CMIP: variants seen among roughly 807,000 people sequenced by gnomAD.
The protein encoded by CMIP is C-Maf-inducing protein.
In CMIP, 13 loss-of-function variants were observed where a neutral mutation model predicts 97.3. The ratio of observed to expected loss-of-function variants is 0.13; its 90% CI spans 0.09 to 0.21. The LOEUF (loss-of-function observed/expected upper bound fraction) is 0.21. Ranked by LOEUF, CMIP falls within the 10% of genes least tolerant of loss-of-function variation. The pLI is 1.00. For synonymous variants in CMIP, 538 were observed against 436.3 expected, an observed-to-expected ratio of 1.23 and a Z score of -2.91; for missense variants, 847 against 1,024.9, an observed-to-expected ratio of 0.83 and a Z score of 2.37.
chr16:81,696,512 C>T, intron 13 of CMIP, 48 bp from the exon 14 acceptor site: 2 of 1,556,672 alleles, frequency 1.3e-6, no homozygotes, highest in Non-Finnish European at 1.7e-6. Context: ...TCGCCCTTGT[C>T]ACCGGGGCTG....
In CMIP at chr16:81,616,343, C is replaced by T. The variant is rs932666508; in HGVS notation, c.427-4533C>T. 4.6e-5 allele frequency among the ~76,000 whole-genome samples: 7 copies of T among 151,920 alleles called. No individual in the cohort carries two copies. Among genetic ancestry groups the T allele is most frequent in the Non-Finnish European group, 8.8e-5 (6 of 67,974 alleles). Reference sequence around the variant, plus strand: ...AGCGGAGGAGGGATGGGGTCCTGGCCGAGGTGTGGGGAGGGCAGGGGCAGG... The same window carrying T: ...AGCGGAGGAGGGATGGGGTCCTGGCTGAGGTGTGGGGAGGGCAGGGGCAGG... On this transcript the variant is annotated intron_variant, in intron 2 of 20. Transcript: ENST00000537098. This position sits in a 1 kb window ranked among gnomAD's most constrained non-coding sequence, Gnocchi z 4.7.
At chr16:81,707,135 A>G in intron 20 of CMIP, 51 bp downstream of exon 20, 2 of 1,499,380 alleles carry the variant, frequency 1.3e-6, no homozygotes, top group South Asian at 1.1e-5. Flanking sequence ...TCTAGCCAGC[A>G]TCTGGATGCT....
chr16:81,626,074 T>C (rs2092056887), intron 3 of CMIP, among the ~76,000 whole-genome samples: 1 of 152,236 alleles, frequency 6.6e-6, no homozygotes, highest in African/African-American at 2.4e-5. Context: ...CGCTGCCTTC[T>C]TCTTGCTGGG....
intron 1 of CMIP, among the ~76,000 whole-genome samples, chr16:81,542,295 G>T (rs1468325670): frequency 6.6e-6 from 1 of 152,186 alleles, no homozygotes; most frequent in Non-Finnish European, 1.5e-5. Flanking sequence ...TTAAAATGGG[G>T]GCCAACTATT....
intron 6 of CMIP, among the ~76,000 whole-genome samples, chr16:81,662,850 G>A (rs8052820): frequency 0.83 from 126,572 of 152,206 alleles, 52,818 homozygotes; most frequent in South Asian, 0.93. Flanking sequence ...AAAGCCACCA[G>A]TTGAAGAGTC....
intron 1 of CMIP, among the ~76,000 whole-genome samples, chr16:81,475,287 C>T (rs1907832452): frequency 6.6e-6 from 1 of 152,208 alleles, no homozygotes; most frequent in Non-Finnish European, 1.5e-5. Flanking sequence ...CTGTTTCAGC[C>T]ATGCAAAGCA....
At chr16:81,591,515 G>A (rs1198506368) in intron 1 of CMIP, among the ~76,000 whole-genome samples, 2 of 152,180 alleles carry the variant, frequency 1.3e-5, no homozygotes, top group East Asian at 3.9e-4. Context: ...AGCTGCAGGT[G>A]CACACAGCCA....
intron 1 of CMIP, among the ~76,000 whole-genome samples, chr16:81,487,717 C>G (rs2089340281): frequency 6.6e-6 from 1 of 152,224 alleles, no homozygotes; most frequent in African/African-American, 2.4e-5. Context: ...TTGCACCACT[C>G]TCACAGGGTC....
At chr16:81,549,829 C>G (rs1028180424) in intron 1 of CMIP, among the ~76,000 whole-genome samples, 1 of 152,152 alleles carries the variant, frequency 6.6e-6, no homozygotes, top group African/African-American at 2.4e-5. Flanking sequence ...AGAAACCAGG[C>G]AAATGTGTGT....
At chr16:81,536,367 CT>C (rs2090342813) in intron 1 of CMIP, among the ~76,000 whole-genome samples, 1 of 152,116 alleles carries the variant, frequency 6.6e-6, no homozygotes, top group African/African-American at 2.4e-5. Flanking sequence ...GGCCTGTGTG[CT>C]TGCTATTCGG....
At chr16:81,686,861 G>C (rs147042688) in intron 10 of CMIP, among the ~76,000 whole-genome samples, 4 of 152,290 alleles carry the variant, frequency 2.6e-5, no homozygotes, top group Non-Finnish European at 5.9e-5. Context: ...TGTATCTGTG[G>C]TGAGTCGTAT....
At chr16:81,485,365 C>T (rs1385139412) in intron 1 of CMIP, among the ~76,000 whole-genome samples, 1 of 152,194 alleles carries the variant, frequency 6.6e-6, no homozygotes, top group Non-Finnish European at 1.5e-5. Context: ...CTATTTCTAC[C>T]TTTTGTTTTC....
intron 1 of CMIP, among the ~76,000 whole-genome samples, chr16:81,594,420 A>ATACCTAT: frequency 6.6e-6 from 1 of 151,604 alleles, no homozygotes; most frequent in East Asian, 2.0e-4. Flanking sequence ...GCGCCTGGCC[A>ATACCTAT]GCATTACCTT....
rs1056985736 is a variant in CMIP, at chr16:81,710,722, G to A, written c.*923G>A. ...CTCAGGCTGGAGGAGGAGGGATTAA[G>A]ATCCCCTTGCTCCACTAAGGCCCAA... On this transcript the variant is annotated 3_prime_UTR_variant, in exon 21 of 21. Coordinates refer to ENST00000537098, the MANE Select transcript of CMIP (RefSeq NM_198390.3). 10 of 152,066 alleles carry A rather than the reference G, an allele frequency of 6.6e-5. No homozygotes were observed. The highest frequency in any genetic ancestry group is 6.2e-4 in the South Asian group (3 of 4,826). 9.4% of individuals were successfully genotyped at this position (152,066 alleles called of 1,614,324 possible).
chr16:81,666,189 A>C (rs559349508), intron 7 of CMIP: 3 of 152,164 alleles, frequency 2.0e-5, no homozygotes, highest in Non-Finnish European at 4.4e-5. Context: ...GTTAACTTTA[A>C]AATCACTACG....
chr16:81,590,811 T>C (rs1440206322), intron 1 of CMIP, among the ~76,000 whole-genome samples: 1 of 147,220 alleles, frequency 6.8e-6, no homozygotes, highest in Non-Finnish European at 1.5e-5. Context: ...GAAAACATAT[T>C]CTCACTTTCT....
At chr16:81,611,951 T>G (rs773561927) in intron 2 of CMIP, among the ~76,000 whole-genome samples, 1 of 152,100 alleles carries the variant, frequency 6.6e-6, no homozygotes, top group Non-Finnish European at 1.5e-5. Context: ...GTGGGTCCAG[T>G]TGGTGTGTTT....
At chr16:81,492,801 C>T (rs979303436) in intron 1 of CMIP, among the ~76,000 whole-genome samples, 4 of 127,836 alleles carry the variant, frequency 3.1e-5, no homozygotes, top group Non-Finnish European at 6.6e-5. Flanking sequence ...GGAGGGGAGG[C>T]GGAAGTTGTC....
chr16:81,584,592 CG>C (rs1567594215), intron 1 of CMIP, among the ~76,000 whole-genome samples: 1 of 152,060 alleles, frequency 6.6e-6, no homozygotes, highest in African/African-American at 2.4e-5. Flanking sequence ...AGAGTGTGCC[CG>C]TGTAGATCAG....
Sources: gnomAD v4.1 joint callset for allele counts (sites outside exome capture counted in the v4.1 genomes callset) on GRCh38, gnomAD v4.1.1 for gene constraint, Gnocchi (gnomAD v3.1) non-coding constraint, MANE v1.5 for transcripts, NCBI Gene and HGNC (gene_info 2026-07-23, HGNC 2026-07-21) for gene names.